The following TASP1 variants were observed in gnomAD, a reference collection of about 807,000 sequenced individuals.
TASP1 encodes the protein threonine aspartase 1.
TASP1 carries 16 observed loss-of-function variants against 56.6 expected under a neutral mutation model. That is an observed-to-expected ratio of 0.28 (90% CI 0.19 to 0.43). The LOEUF (loss-of-function observed/expected upper bound fraction) is 0.43. TASP1 is among the 20% of genes least tolerant of loss of function. The probability of loss-of-function intolerance (pLI) is 1.00; values close to 1 mark genes in which losing one functional copy is unlikely to be tolerated. For synonymous variants in TASP1, 179 were observed against 184.2 expected, an observed-to-expected ratio of 0.97 and a Z score of 0.23; for missense variants, 393 against 511.6, an observed-to-expected ratio of 0.77 and a Z score of 2.24.
At chr20:13,468,042 CAAAAACA>C (rs1555865837) in intron 11 of TASP1, among the ~76,000 whole-genome samples, 6 of 144,762 alleles carry the variant, frequency 4.1e-5, no homozygotes, top group African/African-American at 8.2e-5. Context: ...AAAACAAAAA[CAAAAACA>C]AAAAACAAAA....
At chr20:13,228,785 A>G in the TASP1 span, among the ~76,000 whole-genome samples, 1 of 152,220 alleles carries the variant, frequency 6.6e-6, no homozygotes, top group Non-Finnish European at 1.5e-5. Flanking sequence ...TGAAACTAAC[A>G]TTGAGATTTC....
intron 11 of TASP1, among the ~76,000 whole-genome samples, chr20:13,436,908 C>T (rs967105646): frequency 6.6e-6 from 1 of 152,084 alleles, no homozygotes; most frequent in Non-Finnish European, 1.5e-5. Flanking sequence ...TAATACCAAA[C>T]AGTTGGTATT....
the TASP1 span, among the ~76,000 whole-genome samples, chr20:13,208,154 T>A: frequency 6.6e-6 from 1 of 152,214 alleles, no homozygotes; most frequent in Non-Finnish European, 1.5e-5. Flanking sequence ...GTATTATGCG[T>A]CAACTTCCTA....
At chr20:13,139,883 G>A in the TASP1 span, among the ~76,000 whole-genome samples, 1 of 152,182 alleles carries the variant, frequency 6.6e-6, no homozygotes, top group Non-Finnish European at 1.5e-5. Flanking sequence ...GACTGAATAT[G>A]GATCTCTCCT....
intron 4 of TASP1, among the ~76,000 whole-genome samples, chr20:13,618,153 T>G (rs149914884): frequency 0.032 from 4,880 of 152,154 alleles, 220 homozygotes; most frequent in African/African-American, 0.096. Context: ...CTCACACCTG[T>G]CATCCCAGCA....
At chr20:13,490,319 A>T (rs2146560963) in intron 10 of TASP1, among the ~76,000 whole-genome samples, 1 of 152,308 alleles carries the variant, frequency 6.6e-6, no homozygotes, top group African/African-American at 2.4e-5. Flanking sequence ...ACCACCTTTT[A>T]TCCATCTAAA....
chr20:13,614,347 C>T (rs1409948826), intron 4 of TASP1, among the ~76,000 whole-genome samples: 1 of 151,380 alleles, frequency 6.6e-6, no homozygotes, highest in South Asian at 2.1e-4. Context: ...AAAACCCTCA[C>T]ACAACAACAT....
At chr20:13,490,430 C>T (rs1423248565) in intron 10 of TASP1, among the ~76,000 whole-genome samples, 1 of 152,092 alleles carries the variant, frequency 6.6e-6, no homozygotes, top group Non-Finnish European at 1.5e-5. Context: ...GTTGGCAAAA[C>T]CCCAAGGAAA....
the TASP1 span, among the ~76,000 whole-genome samples, chr20:13,348,282 G>A: frequency 2.6e-5 from 4 of 152,110 alleles, no homozygotes; most frequent in Non-Finnish European, 5.9e-5. Context: ...TTACTAAAAA[G>A]GAAAACAATA....
intron 10 of TASP1, among the ~76,000 whole-genome samples, chr20:13,485,251 A>G (rs1332328288): frequency 6.6e-6 from 1 of 152,228 alleles, no homozygotes; most frequent in Non-Finnish European, 1.5e-5. Context: ...TACATTAGTC[A>G]TAGCAGATTA....
rs12480803 is a variant in TASP1 at position 13,511,836 on chromosome 20, A to G, written c.874+16597T>C. Among the ~76,000 whole-genome samples, 384 of 141,572 alleles carry G rather than the reference A, an allele frequency of 2.7e-3. 10 individuals are homozygous for G. The highest frequency in any genetic ancestry group is 0.026 in the Admixed American group (329 of 12,702). 92.9% of individuals were successfully genotyped at this position (141,572 alleles called of 152,430 possible). On this transcript the variant is annotated intron_variant, in intron 10 of 13. Coordinates refer to ENST00000337743, the MANE Select transcript of TASP1 (RefSeq NM_017714.3). ...TGTTCTCATTGTTCAATTCTCACCT[A>G]TGAGTGAGAACATGAGGTGTTTGGT...
the TASP1 span, among the ~76,000 whole-genome samples, chr20:13,311,062 C>T: frequency 6.6e-6 from 1 of 151,994 alleles, no homozygotes; most frequent in East Asian, 1.9e-4. Flanking sequence ...GGCATGGTGG[C>T]GGGTGCCTGT....
the TASP1 span, among the ~76,000 whole-genome samples, chr20:13,262,830 C>T: frequency 1.3e-5 from 2 of 152,306 alleles, no homozygotes; most frequent in African/African-American, 4.8e-5. Flanking sequence ...TACCCAAATG[C>T]AAAGAGTTGC....
rs117130212 is a variant in TASP1 at position 13,429,823 on chromosome 20, C to T, written c.1096+5221G>A. 3.2e-3 allele frequency among the ~76,000 whole-genome samples: 494 copies of T among 152,256 alleles called. 2 individuals carry two copies. Among genetic ancestry groups the T allele is most frequent in the East Asian group, 0.011 (59 of 5,186 alleles). ...ATGTCACTCTTGGGTTGAACAGTGT[C>T]CTTCTGATCTTGGGATTGGTGTGGC... On this transcript the variant is annotated intron_variant, in intron 12 of 13. Transcript: ENST00000337743.
the TASP1 span, among the ~76,000 whole-genome samples, chr20:13,292,086 G>A: frequency 6.6e-6 from 1 of 152,150 alleles, no homozygotes; most frequent in African/African-American, 2.4e-5. Context: ...CCTGACATGT[G>A]TCCCCCACTG....
intron 4 of TASP1, among the ~76,000 whole-genome samples, chr20:13,608,655 T>C (rs1433147260): frequency 6.6e-6 from 1 of 152,268 alleles, no homozygotes; most frequent in Non-Finnish European, 1.5e-5. Context: ...AATATTATTC[T>C]TCTTTTGATT....
intron 11 of TASP1, among the ~76,000 whole-genome samples, chr20:13,479,803 C>T (rs2043073184): frequency 6.6e-6 from 1 of 152,184 alleles, no homozygotes; most frequent in Admixed American, 6.5e-5. Context: ...AACTATTCTT[C>T]ATACAAGTAG....
intron 13 of TASP1, among the ~76,000 whole-genome samples, chr20:13,394,198 C>T (rs1385562518): frequency 1.4e-5 from 2 of 146,358 alleles, no homozygotes; most frequent in African/African-American, 5.2e-5. Context: ...GCAGGAGAAT[C>T]GCTTGAACCC....
the TASP1 span, among the ~76,000 whole-genome samples, chr20:13,294,188 A>G: frequency 6.6e-6 from 1 of 152,154 alleles, no homozygotes; most frequent in South Asian, 2.1e-4. Flanking sequence ...TTATATCTTA[A>G]TTTTTTAAAT....
Sources: allele counts gnomAD v4.1 joint callset (sites outside exome capture counted in the v4.1 genomes callset), GRCh38; gene constraint gnomAD v4.1.1; transcripts MANE v1.5; gene names NCBI Gene and HGNC (gene_info 2026-07-23, HGNC 2026-07-21).